WDR70: variants seen among roughly 807,000 people sequenced by gnomAD.
The protein encoded by WDR70 is WD repeat domain 70, also known as WD repeat-containing protein 70.
In WDR70, 53 loss-of-function variants were observed where a neutral mutation model predicts 88.6. The ratio of observed to expected loss-of-function variants is 0.60; its 90% CI spans 0.48 to 0.75. WDR70 has a LOEUF of 0.75. Ranked by LOEUF, WDR70 falls within the 30% of genes least tolerant of loss-of-function variation. The probability of loss-of-function intolerance (pLI) is 0.00; values close to 1 mark genes in which losing one functional copy is unlikely to be tolerated. For synonymous variants in WDR70, 280 were observed against 270.0 expected, an observed-to-expected ratio of 1.04 and a Z score of -0.36; for missense variants, 610 against 823.2, an observed-to-expected ratio of 0.74 and a Z score of 3.17.
chr5:37,482,806 T>G (rs1739714107), intron 8 of WDR70, among the ~76,000 whole-genome samples: 1 of 151,964 alleles, frequency 6.6e-6, no homozygotes, highest in Non-Finnish European at 1.5e-5. Flanking sequence ...CAAACAGAAA[T>G]TATGTGGGAT....
chr5:37,620,160 C>G (rs1380014418), intron 10 of WDR70: 1 of 152,108 alleles, frequency 6.6e-6, no homozygotes, highest in Non-Finnish European at 1.5e-5. Context: ...ATGCAAGGAT[C>G]AAATCTTAAT....
At position 37,379,639 on chromosome 5, in the gene WDR70, A is replaced by G. The variant is rs555789962; in HGVS notation, c.91+85A>G. 1.0e-5 allele frequency: 15 copies of G among 1,440,028 alleles called. No individual in the cohort carries two copies. In the East Asian group the frequency reaches 1.4e-4, roughly 13 times the overall value. The allele number at this position is 1,440,028 out of a possible 1,614,324, so 89.2% of individuals were successfully genotyped here. A position where few individuals can be genotyped will look rare whatever the true frequency, so the allele number is the denominator to read the frequency against. On this transcript the variant is annotated intron_variant, in intron 2 of 17. Transcript: ENST00000265107. ...AGTGGGAGTGGAGATCGAGCTGTCA[A>G]CTCGGAATTATTGTAGCTCGGGTGC...
intron 5 of WDR70, among the ~76,000 whole-genome samples, chr5:37,433,750 C>T (rs577847190): frequency 6.6e-6 from 1 of 152,298 alleles, no homozygotes; most frequent in African/African-American, 2.4e-5. Flanking sequence ...TTCTAACCAC[C>T]TACTTTCTTA....
intron 5 of WDR70, 36 bp from the exon 6 acceptor site, chr5:37,437,886 T>G: frequency 1.3e-6 from 2 of 1,583,008 alleles, no homozygotes; most frequent in Non-Finnish European, 8.6e-7. Context: ...AAATATGTTA[T>G]TTTACCATTA....
chr5:37,571,341 G>A (rs911817472), intron 9 of WDR70, among the ~76,000 whole-genome samples: 4 of 152,056 alleles, frequency 2.6e-5, no homozygotes, highest in Admixed American at 2.6e-4. Context: ...TCTATAATTG[G>A]CCAAGAATAG....
intron 7 of WDR70, among the ~76,000 whole-genome samples, chr5:37,479,297 T>C (rs1033171081): frequency 1.3e-4 from 19 of 151,542 alleles, no homozygotes; most frequent in Admixed American, 1.3e-4. Flanking sequence ...AGAGTTTTAA[T>C]AGATTGCAGT....
intron 13 of WDR70, among the ~76,000 whole-genome samples, chr5:37,707,171 A>G (rs956282078): frequency 2.0e-5 from 3 of 152,210 alleles, no homozygotes; most frequent in African/African-American, 7.2e-5. Flanking sequence ...TTTCTTTTTA[A>G]CTAGTATGAA....
At chr5:37,701,785 CAA>C (rs58402399) in intron 12 of WDR70, among the ~76,000 whole-genome samples, 4,953 of 114,940 alleles carry the variant, frequency 0.043, 93 homozygotes, top group Middle Eastern at 0.11. Flanking sequence ...GACTCCATCT[CAA>C]AAAAAAAAAA....
chr5:37,694,597 C>T (rs549227413), intron 10 of WDR70, among the ~76,000 whole-genome samples: 1 of 151,754 alleles, frequency 6.6e-6, no homozygotes, highest in Non-Finnish European at 1.5e-5. Context: ...ATGACAAGGA[C>T]AGAAAACCAA....
chr5:37,468,129 A>G (rs866550806), intron 7 of WDR70, among the ~76,000 whole-genome samples: 4 of 152,022 alleles, frequency 2.6e-5, no homozygotes, highest in South Asian at 2.1e-4. Flanking sequence ...GATTACAGGC[A>G]TGAGCCACTG....
chr5:37,693,433 A>T (rs1332873152), intron 10 of WDR70, among the ~76,000 whole-genome samples: 1 of 152,226 alleles, frequency 6.6e-6, no homozygotes, highest in Non-Finnish European at 1.5e-5. Flanking sequence ...ACAAAGCTGG[A>T]GGCATCATGC....
intron 5 of WDR70, among the ~76,000 whole-genome samples, chr5:37,402,944 G>GTTTTTTTT (rs5867348): frequency 0.02 from 1,726 of 84,362 alleles, 281 homozygotes; most frequent in African/African-American, 0.08. Flanking sequence ...CCCTCCCTCC[G>GTTTTTTTT]TTTTTTTTTT....
At chr5:37,654,741 T>G (rs898130583) in intron 10 of WDR70, among the ~76,000 whole-genome samples, 128 of 152,010 alleles carry the variant, frequency 8.4e-4, no homozygotes, top group African/African-American at 3.1e-3. Flanking sequence ...TGGTTTAAAG[T>G]CTGTTTTATC....
chr5:37,714,283 A>T (rs147837790), intron 13 of WDR70, among the ~76,000 whole-genome samples: 1,638 of 152,246 alleles, frequency 0.011, 16 homozygotes, highest in Non-Finnish European at 0.018. Context: ...TATTTATATA[A>T]ACATAGGATT....
In WDR70 at chr5:37,392,063, T is replaced by C. The variant is rs1051562116; in HGVS notation, c.239T>C (p.Ile80Thr). The C allele has an allele frequency of 1.9e-6, 3 of 1,613,140 alleles. No individual in the cohort carries two copies. The highest frequency in any genetic ancestry group is 2.5e-6 in the Non-Finnish European group (3 of 1,179,830). Reference sequence around the variant, plus strand: ...GAATTAAGAAGACAAAATGAAGATATTGAGCCAACATCCTCAAGATCAAAT... The same window carrying C: ...GAATTAAGAAGACAAAATGAAGATACTGAGCCAACATCCTCAAGATCAAAT... ...EKELRRQNEDIEPTSSRSNVV... is the reference protein window; with the variant it reads ...EKELRRQNEDTEPTSSRSNVV... The change falls in exon 4 of 18, where the codon ATT becomes ACT. Residue 80 changes from isoleucine (I) to threonine (T), a missense_variant. Ile to Thr is a moderately conservative substitution (Grantham distance 89). Coordinates refer to ENST00000265107, the MANE Select transcript of WDR70 (RefSeq NM_018034.4).
chr5:37,652,567 C>T (rs1745439152), intron 10 of WDR70, among the ~76,000 whole-genome samples: 1 of 152,124 alleles, frequency 6.6e-6, no homozygotes, highest in Non-Finnish European at 1.5e-5. Context: ...TCTTCCTGTC[C>T]ATGAGCATGG....
chr5:37,621,132 A>G (rs1383620360), intron 10 of WDR70, among the ~76,000 whole-genome samples: 1 of 152,120 alleles, frequency 6.6e-6, no homozygotes, highest in Non-Finnish European at 1.5e-5. Flanking sequence ...AGCTTCTTAC[A>G]GTCTGCCTCT....
chr5:37,435,272 G>A, intron 5 of WDR70, among the ~76,000 whole-genome samples: 1 of 152,134 alleles, frequency 6.6e-6, no homozygotes, highest in East Asian at 1.9e-4. Flanking sequence ...TGAAAAAGTA[G>A]TTATGAAATG....
At position 37,678,466 on chromosome 5, in the gene WDR70, G is replaced by A. The variant is rs558733447; in HGVS notation, c.1093-19189G>A. ...TGTCAGCATTTGCTTGTCTGTAAAGGATTTTATTTCTCCTTCACTTATGAA... is the reference window on the plus strand; with the variant it reads ...TGTCAGCATTTGCTTGTCTGTAAAGAATTTTATTTCTCCTTCACTTATGAA... On this transcript the variant is annotated intron_variant, in intron 10 of 17. Transcript: ENST00000265107. Among the ~76,000 whole-genome samples the A allele has an allele frequency of 7.7e-3, 1,177 of 152,096 alleles. 10 individuals carry two copies. Among genetic ancestry groups the A allele is most frequent in the Non-Finnish European group, 0.013 (869 of 67,990 alleles).
Sources: gnomAD v4.1 joint callset for allele counts (sites outside exome capture counted in the v4.1 genomes callset) on GRCh38, gnomAD v4.1.1 for gene constraint, MANE v1.5 for transcripts, NCBI Gene and HGNC (gene_info 2026-07-23, HGNC 2026-07-21) for gene names.